Variants in CADPS observed in about 807,000 individuals in gnomAD.
CADPS encodes calcium dependent secretion activator, also known as calcium-dependent secretion activator 1.
A neutral mutation model predicts 167.3 loss-of-function variants in CADPS; 57 were observed. That is an observed-to-expected ratio of 0.34 (90% CI 0.28 to 0.42). The LOEUF is 0.42. Among genes scored for constraint, CADPS ranks in the 20% least tolerant of loss-of-function variants. CADPS has a pLI of 1.00. For missense variants in CADPS, 1,414 were observed against 1,738.1 expected, an observed-to-expected ratio of 0.81 and a Z score of 3.32; for synonymous variants, 676 against 635.3, an observed-to-expected ratio of 1.06 and a Z score of -0.96.
chr3:62,439,605 G>GCA (rs924585167), intron 27 of CADPS: 3 of 152,148 alleles, frequency 2.0e-5, no homozygotes, highest in African/African-American at 7.2e-5. Context: ...TTCTAAGCAG[G>GCA]CACCTCTCTC....
rs372641944 is a variant in CADPS at position 62,753,195 on chromosome 3, A to C, written c.888+246T>G. Among the ~76,000 whole-genome samples the C allele has an allele frequency of 2.0e-5, 3 of 152,204 alleles. No individual in the cohort carries two copies. The highest frequency in any genetic ancestry group is 3.8e-4 in the East Asian group (2 of 5,202). On this transcript the variant is annotated intron_variant, in intron 3 of 29. Transcript: ENST00000383710. This position sits in a 1 kb window ranked among gnomAD's most constrained non-coding sequence, Gnocchi z 4.6. Reference sequence around the variant, plus strand: ...TAGGGCCAACTTACCCATTAGACACAATGAGCTCAATGCCTAGGGCCCCTG... The same window carrying C: ...TAGGGCCAACTTACCCATTAGACACCATGAGCTCAATGCCTAGGGCCCCTG...
At chr3:62,695,184 T>G (rs2080036298) in intron 3 of CADPS, among the ~76,000 whole-genome samples, 2 of 152,106 alleles carry the variant, frequency 1.3e-5, no homozygotes, top group South Asian at 4.1e-4. Context: ...GCTGAGATTT[T>G]TTGACCTGAT....
chr3:62,692,349 C>T (rs751987512), intron 3 of CADPS, among the ~76,000 whole-genome samples: 1 of 149,538 alleles, frequency 6.7e-6, no homozygotes, highest in Admixed American at 6.8e-5. Context: ...CCATTTAGTC[C>T]AGAGAAAGCA....
intron 29 of CADPS, among the ~76,000 whole-genome samples, chr3:62,402,389 A>G (rs1706681281): frequency 6.6e-6 from 1 of 152,180 alleles, no homozygotes; most frequent in Non-Finnish European, 1.5e-5. Flanking sequence ...AAAACCCTCT[A>G]TGGTGAAGCA....
intron 1 of CADPS, among the ~76,000 whole-genome samples, chr3:62,768,155 G>A (rs1276423012): frequency 6.6e-6 from 1 of 152,170 alleles, no homozygotes; most frequent in African/African-American, 2.4e-5. Context: ...TATTTTTTAT[G>A]TGCTTGAAAC....
At chr3:62,648,288 C>T (rs555745453) in intron 5 of CADPS, among the ~76,000 whole-genome samples, 1 of 152,284 alleles carries the variant, frequency 6.6e-6, no homozygotes, top group African/African-American at 2.4e-5. Flanking sequence ...AATTACAAGT[C>T]AAACCATCTG....
chr3:62,600,246 G>C (rs1162704299), intron 6 of CADPS, among the ~76,000 whole-genome samples: 1 of 151,632 alleles, frequency 6.6e-6, no homozygotes, highest in African/African-American at 2.4e-5. Flanking sequence ...GCTCTCTTGG[G>C]AGCAAGGCGT....
In CADPS at chr3:62,650,837, G is replaced by T. The variant is rs1467598111; in HGVS notation, c.1203+10C>A. The T allele has an allele frequency of 6.2e-7, 1 of 1,608,790 alleles. No homozygotes were observed. The highest frequency in any genetic ancestry group is 1.7e-5 in the Admixed American group (1 of 59,972). On this transcript the variant is annotated intron_variant, in intron 5 of 29. Coordinates refer to ENST00000383710, the MANE Select transcript of CADPS (RefSeq NM_003716.4). ...TGCCAAGAAACTTTCAAGGGCTCAGGGCTTTTTACCTCCAATGAGAAAGAC... is the reference window on the plus strand; with the variant it reads ...TGCCAAGAAACTTTCAAGGGCTCAGTGCTTTTTACCTCCAATGAGAAAGAC...
At chr3:62,483,015 T>C (rs1176296290) in intron 21 of CADPS, among the ~76,000 whole-genome samples, 1 of 152,004 alleles carries the variant, frequency 6.6e-6, no homozygotes, top group Non-Finnish European at 1.5e-5. Flanking sequence ...GACGGTGTCA[T>C]ACACGGCTCC....
Position 62,798,223 on chromosome 3 carries a change from C to G in CADPS, c.442-32239G>C, listed in dbSNP as rs954031855. Reference sequence around the variant, plus strand: ...AAAGGAGATTAACACTGGAGTCAGTCGACTGGGAGAGACAGACCCATCCTT... The same window carrying G: ...AAAGGAGATTAACACTGGAGTCAGTGGACTGGGAGAGACAGACCCATCCTT... On this transcript the variant is annotated intron_variant, in intron 1 of 29. Transcript: ENST00000383710. Among the ~76,000 whole-genome samples, 4 of 152,064 alleles carry G rather than the reference C, an allele frequency of 2.6e-5. No homozygotes were observed. The East Asian group carries it at 5.8e-4, about 22-fold the overall frequency.
Position 62,405,754 on chromosome 3 carries a change from T to C in CADPS, c.3778-2569A>G, listed in dbSNP as rs112448508. 4.5e-3 allele frequency among the ~76,000 whole-genome samples: 681 copies of C among 152,252 alleles called. 4 individuals are homozygous for C. The highest frequency in any genetic ancestry group is 6.0e-3 in the Non-Finnish European group (408 of 68,002). On this transcript the variant is annotated intron_variant, in intron 28 of 29. Transcript: ENST00000383710. The stretch of plus-strand genomic sequence containing the variant: ...AGTGTAAAAAATGTATGATGCCCCA[T>C]TGGCTACACATTTAAAGAGGCAAAA...
intron 6 of CADPS, among the ~76,000 whole-genome samples, chr3:62,614,578 G>A (rs1377410216): frequency 1.3e-5 from 2 of 152,192 alleles, no homozygotes; most frequent in Non-Finnish European, 2.9e-5. Flanking sequence ...TTCTGTATTT[G>A]TTGTCTGGCT....
At chr3:62,648,911 G>A (rs372558779) in intron 5 of CADPS, among the ~76,000 whole-genome samples, 16 of 152,142 alleles carry the variant, frequency 1.1e-4, no homozygotes, top group Middle Eastern at 3.4e-3. Flanking sequence ...AAATTACACG[G>A]ATGATTTTTT....
chr3:62,493,976 T>C (rs776413970), intron 18 of CADPS, among the ~76,000 whole-genome samples: 6 of 152,206 alleles, frequency 3.9e-5, no homozygotes, highest in Non-Finnish European at 7.3e-5. Flanking sequence ...ATGTAATAAT[T>C]ATAGATAAGA....
intron 3 of CADPS, among the ~76,000 whole-genome samples, chr3:62,689,914 G>C: frequency 6.6e-6 from 1 of 152,014 alleles, no homozygotes; most frequent in African/African-American, 2.4e-5. Context: ...AGCAAAGTAT[G>C]TTCGAGGAGA....
At chr3:62,825,067 C>T (rs2152955114) in intron 1 of CADPS, among the ~76,000 whole-genome samples, 1 of 152,252 alleles carries the variant, frequency 6.6e-6, no homozygotes, top group South Asian at 2.1e-4. Context: ...AGAAAATTGG[C>T]TATGGACACT....
At chr3:62,658,212 T>A (rs562846052) in intron 4 of CADPS, among the ~76,000 whole-genome samples, 1 of 152,310 alleles carries the variant, frequency 6.6e-6, no homozygotes, top group South Asian at 2.1e-4. Flanking sequence ...CTTCTTGATT[T>A]GCCTATACTT....
intron 3 of CADPS, among the ~76,000 whole-genome samples, chr3:62,671,799 G>A (rs2075554994): frequency 6.6e-6 from 1 of 152,040 alleles, no homozygotes; most frequent in African/African-American, 2.4e-5. Flanking sequence ...GTCTTGCTCT[G>A]TCGCCAGGCT....
At position 62,399,173 on chromosome 3, in the gene CADPS, T is replaced by C; in HGVS notation, c.*233A>G. ...CTATGTATTCTCCATGAACAGTATT[T>C]AAAGAATGGTGCTCCATATTGCTTG... On this transcript the variant is annotated 3_prime_UTR_variant, in exon 30 of 30. Coordinates refer to ENST00000383710, the MANE Select transcript of CADPS (RefSeq NM_003716.4). This position sits in a 1 kb window ranked among gnomAD's most constrained non-coding sequence, Gnocchi z 5.6. 3 of 481,072 alleles carry C rather than the reference T, an allele frequency of 6.2e-6. No homozygotes were observed. The East Asian group carries it at 1.1e-4, about 18-fold the overall frequency. 29.8% of individuals were successfully genotyped at this position (481,072 alleles called of 1,614,324 possible).
Sources: gnomAD v4.1 joint callset for allele counts (sites outside exome capture counted in the v4.1 genomes callset) on GRCh38, gnomAD v4.1.1 for gene constraint, Gnocchi (gnomAD v3.1) non-coding constraint, MANE v1.5 for transcripts, NCBI Gene and HGNC (gene_info 2026-07-23, HGNC 2026-07-21) for gene names.